Variants in CSMD1 observed in about 807,000 individuals in gnomAD.
The protein encoded by CSMD1 is CUB and Sushi multiple domains 1, also known as CUB and sushi domain-containing protein 1.
CSMD1 carries 213 observed loss-of-function variants against 417.5 expected under a neutral mutation model. The ratio of observed to expected loss-of-function variants is 0.51; its 90% CI spans 0.46 to 0.57. CSMD1 has a LOEUF of 0.57. Among genes scored for constraint, CSMD1 ranks in the 20% least tolerant of loss-of-function variants. The pLI is 0.00. For synonymous variants in CSMD1, 2,862 were observed against 1,736.8 expected (o/e 1.65, Z -16.11); for missense variants, 6,923 against 4,529.7 (o/e 1.53, Z -15.17).
rs1330259388 is a variant in CSMD1, at chr8:4,967,676, G to A, written c.85+26656C>T. ...TCTGGTTCTAATGAGCATGAATCTT[G>A]CATACATTTCTTCCTCAAATGTTAA... On this transcript the variant is annotated intron_variant, in intron 1 of 69. Transcript: ENST00000635120. Among the ~76,000 whole-genome samples the A allele has an allele frequency of 3.3e-5, 5 of 152,244 alleles. 1 individual carries two copies. The highest frequency in any genetic ancestry group is 2.0e-4 in the Admixed American group (3 of 15,278).
At chr8:3,175,482 T>TGCC (rs1431637532) in intron 37 of CSMD1, among the ~76,000 whole-genome samples, 49 of 91,142 alleles carry the variant, frequency 5.4e-4, no homozygotes, top group South Asian at 6.1e-4. Flanking sequence ...TTTCCCTTCC[T>TGCC]TCCTGCCTGC....
intron 2 of CSMD1, among the ~76,000 whole-genome samples, chr8:4,448,049 G>A (rs1306527792): frequency 3.9e-5 from 6 of 152,160 alleles, no homozygotes; most frequent in Admixed American, 6.5e-5. Context: ...AGGTTTCCTG[G>A]AATATCACCC....
chr8:4,401,800 C>G (rs1040073084), intron 3 of CSMD1, among the ~76,000 whole-genome samples: 23 of 152,162 alleles, frequency 1.5e-4, no homozygotes. Flanking sequence ...TGCTTCCTCT[C>G]TCACTCACCC....
chr8:3,031,950 G>C (rs1405053069), intron 50 of CSMD1, among the ~76,000 whole-genome samples: 1 of 145,082 alleles, frequency 6.9e-6, no homozygotes. Context: ...TGACAAATTA[G>C]ACACTATATG....
rs936979790 is a variant in CSMD1 at position 4,695,971 on chromosome 8, C to A, written c.86-58413G>T. Among the ~76,000 whole-genome samples the A allele has an allele frequency of 2.2e-4, 34 of 152,068 alleles. 1 individual carries two copies. The highest frequency in any genetic ancestry group is 2.2e-3 in the Admixed American group (34 of 15,266). On this transcript the variant is annotated intron_variant, in intron 1 of 69. Transcript: ENST00000635120. ...CGGCTGTGGTTAGAGACTTGGGTTCCGGAGGGAGAATGCCTGTGTTTAATC... is the reference window on the plus strand; with the variant it reads ...CGGCTGTGGTTAGAGACTTGGGTTCAGGAGGGAGAATGCCTGTGTTTAATC...
rs1403368440 is a variant in CSMD1, at chr8:3,029,396, T to C, written c.7778A>G (p.Tyr2593Cys). 5 of 1,611,538 alleles carry C rather than the reference T, an allele frequency of 3.1e-6. No individual in the cohort carries two copies. The highest frequency in any genetic ancestry group is 1.3e-5 in the African/African-American group (1 of 74,146). Residue 2593 changes from tyrosine (Y) to cysteine (C), a missense_variant, in exon 51 of 70, where the codon TAC (tyrosine) becomes TGC (cysteine). By Grantham distance (194) the Tyr-to-Cys change is radical (BLOSUM62 -2). Transcript: ENST00000635120. ...CCGCAGGAGCCTCCAGCCTTCTAAG[T>C]AGTAACCAGGACTGCAGCTCAGCAA... ...QVLLSCSPGY[Y>C]LEGWRLLRCQ...
chr8:4,579,349 C>G (rs565338349), intron 2 of CSMD1, among the ~76,000 whole-genome samples: 1 of 151,680 alleles, frequency 6.6e-6, no homozygotes, highest in African/African-American at 2.4e-5. Context: ...TATATACACA[C>G]ACGTGTGTGT....
chr8:3,808,927 T>C (rs1477367357), intron 5 of CSMD1, among the ~76,000 whole-genome samples: 2 of 152,142 alleles, frequency 1.3e-5, no homozygotes, highest in Non-Finnish European at 2.9e-5. Context: ...CTCAATTCCG[T>C]GTTAGTGCTA....
intron 2 of CSMD1, among the ~76,000 whole-genome samples, chr8:4,526,354 T>C (rs945302589): frequency 2.0e-5 from 3 of 152,250 alleles, no homozygotes; most frequent in Non-Finnish European, 4.4e-5. Context: ...AGGTTCACGC[T>C]GACCATGAAG....
At chr8:4,157,595 T>G (rs1796906322) in intron 3 of CSMD1, among the ~76,000 whole-genome samples, 1 of 152,192 alleles carries the variant, frequency 6.6e-6, no homozygotes, top group Non-Finnish European at 1.5e-5. Context: ...GCCGGTCATG[T>G]AACAAATGCA....
intron 7 of CSMD1, chr8:3,700,478 G>A (rs878489): frequency 6.6e-6 from 1 of 152,156 alleles, no homozygotes; most frequent in African/African-American, 2.4e-5. Flanking sequence ...AAGATAGAAG[G>A]TGTGGATGCT....
At chr8:4,156,708 C>G (rs190083294) in intron 3 of CSMD1, among the ~76,000 whole-genome samples, 6 of 152,094 alleles carry the variant, frequency 3.9e-5, no homozygotes, top group African/African-American at 9.7e-5. Context: ...CAAGAAGAGA[C>G]TATGTGCAGT....
rs183674287 is a variant in CSMD1 at position 2,973,096 on chromosome 8, T to A, written c.8923+21A>T. ...GTGGTTTTAACTTTCAAGGTGGACC[T>A]TAAGGCTTCTGGCTACTCACCCTCA... On this transcript the variant is annotated intron_variant, in intron 57 of 69. Transcript: ENST00000635120. 214 of 1,609,898 alleles carry A rather than the reference T, an allele frequency of 1.3e-4. 6 individuals carry two copies. Among genetic ancestry groups the A allele is most frequent in the East Asian group, 1.1e-3 (49 of 44,784 alleles).
At chr8:4,391,595 C>A (rs888062957) in intron 3 of CSMD1, among the ~76,000 whole-genome samples, 1 of 151,930 alleles carries the variant, frequency 6.6e-6, no homozygotes. Context: ...ATTTTTGCCC[C>A]CGCTTTTGAC....
At chr8:3,334,868 G>A (rs753620364) in intron 23 of CSMD1, among the ~76,000 whole-genome samples, 2 of 152,262 alleles carry the variant, frequency 1.3e-5, no homozygotes, top group Non-Finnish European at 2.9e-5. Flanking sequence ...AGCACAGCCT[G>A]CTGGGGAGCT....
At chr8:4,289,552 C>T (rs1310574193) in intron 3 of CSMD1, among the ~76,000 whole-genome samples, 1 of 152,140 alleles carries the variant, frequency 6.6e-6, no homozygotes, top group Non-Finnish European at 1.5e-5. Flanking sequence ...TGACACGTGT[C>T]TCCCACTCAG....
chr8:4,794,891 G>A (rs762725406), intron 1 of CSMD1, among the ~76,000 whole-genome samples: 3 of 152,126 alleles, frequency 2.0e-5, no homozygotes, highest in Non-Finnish European at 2.9e-5. Context: ...ATTGCAGGTG[G>A]CAAGAAATTA....
intron 5 of CSMD1, among the ~76,000 whole-genome samples, chr8:3,847,885 T>C (rs564222597): frequency 6.6e-6 from 1 of 152,332 alleles, no homozygotes; most frequent in African/African-American, 2.4e-5. Flanking sequence ...GTCTGACTTT[T>C]CAACTCTATC....
chr8:4,883,365 T>G (rs536038767), intron 1 of CSMD1, among the ~76,000 whole-genome samples: 3 of 152,236 alleles, frequency 2.0e-5, no homozygotes, highest in Non-Finnish European at 4.4e-5. Flanking sequence ...AAATTTACCA[T>G]TTTAAATAAT....
Sources: gnomAD v4.1 joint callset for allele counts (sites outside exome capture counted in the v4.1 genomes callset) on GRCh38, gnomAD v4.1.1 for gene constraint, MANE v1.5 for transcripts, NCBI Gene and HGNC (gene_info 2026-07-23, HGNC 2026-07-21) for gene names.